The following XRN2 variants were observed in gnomAD, a reference collection of about 807,000 sequenced individuals.
XRN2 encodes DHM1-like protein.
Under a neutral mutation model 138.5 loss-of-function variants are expected in XRN2, and 44 were observed. The observed-to-expected ratio is 0.32, with a 90% confidence interval of 0.25 to 0.41. The LOEUF (loss-of-function observed/expected upper bound fraction) is 0.41, where lower values mean the gene tolerates loss of function less well. XRN2 is among the 10% of genes least tolerant of loss of function. The probability of loss-of-function intolerance (pLI) is 1.00; values close to 1 mark genes in which losing one functional copy is unlikely to be tolerated. For synonymous variants in XRN2, 354 were observed against 369.4 expected, an observed-to-expected ratio of 0.96 and a Z score of 0.48; for missense variants, 937 against 1,169.3, an observed-to-expected ratio of 0.80 and a Z score of 2.90.
At chr20:21,309,729 C>G (rs1017973345) in intron 1 of XRN2, among the ~76,000 whole-genome samples, 3 of 151,368 alleles carry the variant, frequency 2.0e-5, no homozygotes, top group Non-Finnish European at 2.9e-5. Context: ...AAAATGTTTT[C>G]ACTCCTGTTT....
rs555886062 is a variant in XRN2, at chr20:21,334,661, A to G, written c.1233+476A>G. Among the ~76,000 whole-genome samples the G allele has an allele frequency of 3.3e-5, 5 of 152,278 alleles. No homozygotes were observed. In the East Asian group the frequency reaches 9.6e-4, roughly 29 times the overall value. On this transcript the variant is annotated intron_variant, in intron 13 of 29. Transcript: ENST00000377191. ...TTAAAAAATTGAAACACAAGAAGGA[A>G]ATAAAATAGCAAAGCATTTGAAAAT... is the stretch of plus-strand genomic sequence containing the variant.
At chr20:21,331,919 A>G (rs2122214016) in intron 8 of XRN2, 101 bp downstream of exon 8, 1 of 1,312,382 alleles carries the variant, frequency 7.6e-7, no homozygotes, top group Admixed American at 2.2e-5. Context: ...TGGAAGTTCC[A>G]AAATGCCTTG....
At chr20:21,303,696 A>T in intron 1 of XRN2, 1 of 1,283,078 alleles carries the variant, frequency 7.8e-7, no homozygotes, top group Non-Finnish European at 9.8e-7. Context: ...GCAAGGGCCT[A>T]TAGGGTTCCG....
At chr20:21,346,038 G>A (rs1208046762) in intron 16 of XRN2, among the ~76,000 whole-genome samples, 2 of 152,138 alleles carry the variant, frequency 1.3e-5, no homozygotes, top group African/African-American at 4.8e-5. Context: ...TAAGGAACTT[G>A]AACTATTTAA....
intron 27 of XRN2, 134 bp from the exon 28 acceptor site, chr20:21,381,860 T>G (rs1600721430): frequency 3.1e-6 from 2 of 643,840 alleles, no homozygotes; most frequent in Admixed American, 7.0e-5. Flanking sequence ...TGGTGTGTGT[T>G]ATTATGATAC....
chr20:21,326,145 T>G (rs2038125582), intron 1 of XRN2, 134 bp from the exon 2 acceptor site: 1 of 855,700 alleles, frequency 1.2e-6, no homozygotes. Context: ...ATAAAATAAC[T>G]TATTATAATT....
intron 1 of XRN2, among the ~76,000 whole-genome samples, chr20:21,318,144 T>G (rs2037985336): frequency 6.6e-6 from 1 of 152,242 alleles, no homozygotes; most frequent in Non-Finnish European, 1.5e-5. Flanking sequence ...TGAATCATTT[T>G]TGGTAGTTTG....
rs145440703 is a variant in XRN2 at position 21,306,417 on chromosome 20, G to C, written c.75+2944G>C. 1.2e-3 allele frequency among the ~76,000 whole-genome samples: 94 copies of C among 75,670 alleles called. 29 individuals carry two copies. The highest frequency in any genetic ancestry group is 3.2e-3 in the African/African-American group (90 of 27,744). The allele number at this position is 75,670 out of a possible 152,430, so 49.6% of individuals were successfully genotyped here. ...CCCAAAGTGCTGGGATTACAGGCAT[G>C]AGCCACCGCACCTGGCCAGGAATTC... On this transcript the variant is annotated intron_variant, in intron 1 of 29. Coordinates refer to ENST00000377191, the MANE Select transcript of XRN2 (RefSeq NM_012255.5).
At chr20:21,386,569 A>G (rs937678805) in intron 28 of XRN2, among the ~76,000 whole-genome samples, 1 of 152,242 alleles carries the variant, frequency 6.6e-6, no homozygotes, top group African/African-American at 2.4e-5. Context: ...TCTTGGGTCT[A>G]CATCTTTAAG....
chr20:21,347,599 G>A (rs1002529003), intron 17 of XRN2, among the ~76,000 whole-genome samples: 1 of 152,172 alleles, frequency 6.6e-6, no homozygotes, highest in Non-Finnish European at 1.5e-5. Flanking sequence ...TTTCCTATGA[G>A]TATAACTTGC....
intron 1 of XRN2, among the ~76,000 whole-genome samples, chr20:21,311,139 T>C (rs148309413): frequency 6.6e-6 from 1 of 152,334 alleles, no homozygotes; most frequent in African/African-American, 2.4e-5. Context: ...TTGACTGTTT[T>C]AAAGTGTACA....
Position 21,307,598 on chromosome 20 carries a change from A to G in XRN2, c.75+4125A>G, listed in dbSNP as rs995920261. ...TCACCAGGCTGGAATGTAGTGTGCAATCATGGCTCACTGCAGCCTCAAAGT... is the reference window on the plus strand; with the variant it reads ...TCACCAGGCTGGAATGTAGTGTGCAGTCATGGCTCACTGCAGCCTCAAAGT... On this transcript the variant is annotated intron_variant, in intron 1 of 29. Transcript: ENST00000377191. Among the ~76,000 whole-genome samples, 10 of 76,338 alleles carry G rather than the reference A, an allele frequency of 1.3e-4. 3 individuals are homozygous for G. Among genetic ancestry groups the G allele is most frequent in the Admixed American group, 3.1e-4 (2 of 6,366 alleles). 50.1% of individuals were successfully genotyped at this position (76,338 alleles called of 152,430 possible). A position where few individuals can be genotyped will look rare whatever the true frequency, so the allele number is the denominator to read the frequency against.
chr20:21,322,894 G>A (rs997406824), intron 1 of XRN2, among the ~76,000 whole-genome samples: 7 of 152,168 alleles, frequency 4.6e-5, no homozygotes, highest in Non-Finnish European at 1.0e-4. Flanking sequence ...CAGCCTTCTG[G>A]TAGGGGTGCT....
rs894785388 is a variant in XRN2, at chr20:21,306,083, T to C, written c.75+2610T>C. 1.3e-4 allele frequency among the ~76,000 whole-genome samples: 10 copies of C among 74,362 alleles called. 4 individuals carry two copies. Among genetic ancestry groups the C allele is most frequent in the Non-Finnish European group, 3.1e-4 (10 of 31,926 alleles). The allele number at this position is 74,362 out of a possible 152,430, so 48.8% of individuals were successfully genotyped here. On this transcript the variant is annotated intron_variant, in intron 1 of 29. Coordinates refer to ENST00000377191, the MANE Select transcript of XRN2 (RefSeq NM_012255.5). Reference sequence around the variant, plus strand: ...CATTGTAGGACCCAAAATAGCTCCATTCTACCCTTATACACGTGAATGATC... The same window carrying C: ...CATTGTAGGACCCAAAATAGCTCCACTCTACCCTTATACACGTGAATGATC...
At chr20:21,320,500 C>T (rs920562357) in intron 1 of XRN2, among the ~76,000 whole-genome samples, 7 of 152,046 alleles carry the variant, frequency 4.6e-5, no homozygotes, top group East Asian at 3.9e-4. Context: ...AGGGTTTCAG[C>T]GTGCTAGCCA....
intron 1 of XRN2, among the ~76,000 whole-genome samples, chr20:21,316,189 G>A (rs2037956468): frequency 6.6e-6 from 1 of 152,218 alleles, no homozygotes; most frequent in Non-Finnish European, 1.5e-5. Flanking sequence ...AGGAGGCGGA[G>A]GTTGCAGTGA....
intron 9 of XRN2, 56 bp from the exon 10 acceptor site, chr20:21,333,488 G>GA (rs908846705): frequency 1.3e-6 from 2 of 1,580,402 alleles, no homozygotes; most frequent in East Asian, 2.3e-5. Flanking sequence ...TGCTTGGTTG[G>GA]AAAAAATTAC....
intron 20 of XRN2, among the ~76,000 whole-genome samples, chr20:21,352,620 C>T (rs965320472): frequency 6.6e-6 from 1 of 152,094 alleles, no homozygotes; most frequent in Non-Finnish European, 1.5e-5. Context: ...CGTGAGCCAC[C>T]GCACCCGGCC....
At chr20:21,339,891 C>T (rs952628019) in intron 14 of XRN2, among the ~76,000 whole-genome samples, 26 of 152,154 alleles carry the variant, frequency 1.7e-4, no homozygotes, top group Admixed American at 2.6e-4. Context: ...CCTTTTACTA[C>T]GTTTTGTTAG....
Sources: allele counts gnomAD v4.1 joint callset (sites outside exome capture counted in the v4.1 genomes callset), GRCh38; gene constraint gnomAD v4.1.1; transcripts MANE v1.5; gene names NCBI Gene and HGNC (gene_info 2026-07-23, HGNC 2026-07-21).